CYFIP1: variants seen among roughly 807,000 people sequenced by gnomAD.
CYFIP1 encodes cytoplasmic FMR1 interacting protein 1.
In CYFIP1, 58 loss-of-function variants were observed where a neutral mutation model predicts 163.5. That is an observed-to-expected ratio of 0.35 (90% CI 0.29 to 0.44). The LOEUF is 0.44. CYFIP1 is among the 20% of genes least tolerant of loss of function. The pLI is 1.00. For synonymous variants in CYFIP1, 663 were observed against 660.7 expected, an observed-to-expected ratio of 1.00 and a Z score of -0.05; for missense variants, 1,338 against 1,653.8, an observed-to-expected ratio of 0.81 and a Z score of 3.31.
In CYFIP1 at chr15:22,925,964, G is replaced by A. The variant is rs773826545; in HGVS notation, c.1359+18C>T. ...GCTAGAGCGACATGAGGAAGAGCGAGCGGCCGAGCATCCTCACCTCCACTA... is the reference window on the plus strand; with the variant it reads ...GCTAGAGCGACATGAGGAAGAGCGAACGGCCGAGCATCCTCACCTCCACTA... On this transcript the variant is annotated intron_variant, in intron 13 of 30. Transcript: ENST00000617928. 3.1e-6 allele frequency: 5 copies of A among 1,610,642 alleles called. No homozygotes were observed. The South Asian group carries it at 4.4e-5, about 14-fold the overall frequency.
At chr15:22,937,960 G>A (rs922366635) in intron 8 of CYFIP1, among the ~76,000 whole-genome samples, 72 of 152,182 alleles carry the variant, frequency 4.7e-4, no homozygotes, top group African/African-American at 1.7e-3. Flanking sequence ...TGCTCCGCAG[G>A]GGCTCATGGC....
chr15:22,957,487 T>C (rs1470283598), intron 1 of CYFIP1, among the ~76,000 whole-genome samples: 1 of 152,098 alleles, frequency 6.6e-6, no homozygotes, highest in Non-Finnish European at 1.5e-5. Flanking sequence ...ATACAAAAAA[T>C]TAGCCAGGCA....
chr15:22,909,546 C>G (rs1188635273), intron 20 of CYFIP1, among the ~76,000 whole-genome samples: 1 of 152,124 alleles, frequency 6.6e-6, no homozygotes, highest in Non-Finnish European at 1.5e-5. Flanking sequence ...GGAACATATC[C>G]ATACTTCAGT....
Position 22,867,846 on chromosome 15 carries a change from A to ATGTTT in CYFIP1, c.*2177_*2181dup, listed in dbSNP as rs398043094. 6.6e-6 allele frequency: 1 copy of ATGTTT among 151,760 alleles called. No homozygotes were observed. Among genetic ancestry groups the ATGTTT allele is most frequent in the East Asian group, 1.9e-4 (1 of 5,176 alleles). The allele number at this position is 151,760 out of a possible 1,614,324, so 9.4% of individuals were successfully genotyped here. On this transcript the variant is annotated 3_prime_UTR_variant, in exon 31 of 31. Coordinates refer to ENST00000617928, the MANE Select transcript of CYFIP1 (RefSeq NM_014608.6). ...CACTACATATTTTGGTTTCTAGAAA[A>ATGTTT]TGTTTGTTTATGAAGAAGTCGATGG... is the stretch of plus-strand genomic sequence containing the variant.
chr15:22,977,780 G>A (rs994832584), intron 1 of CYFIP1, among the ~76,000 whole-genome samples: 3 of 150,988 alleles, frequency 2.0e-5, no homozygotes, highest in East Asian at 1.9e-4. Context: ...GCAGTGAGCC[G>A]AGATCACACC....
chr15:22,871,822 A>G (rs2059440907), intron 30 of CYFIP1, among the ~76,000 whole-genome samples: 1 of 152,232 alleles, frequency 6.6e-6, no homozygotes, highest in African/African-American at 2.4e-5. Context: ...CCAACTGTGC[A>G]TAAGCTTGAA....
intron 9 of CYFIP1, 90 bp from the exon 10 acceptor site, chr15:22,933,983 A>G (rs1467754520): frequency 2.3e-6 from 2 of 874,672 alleles, no homozygotes; most frequent in Non-Finnish European, 3.6e-6. Context: ...GCTAATAATT[A>G]CTTCGGCTTG....
At chr15:22,941,817 AAAC>A (rs987698353) in intron 6 of CYFIP1, among the ~76,000 whole-genome samples, 12 of 152,188 alleles carry the variant, frequency 7.9e-5, no homozygotes, top group East Asian at 1.9e-4. Flanking sequence ...AGGAAAAAAA[AAAC>A]AACAACACAC....
intron 21 of CYFIP1, among the ~76,000 whole-genome samples, chr15:22,906,815 TAC>T (rs1183039201): frequency 2.6e-5 from 4 of 152,348 alleles, no homozygotes; most frequent in African/African-American, 9.6e-5. Context: ...AAGATGAAGT[TAC>T]AGTTTCCATG....
chr15:22,894,397 C>A (rs1053466313), intron 22 of CYFIP1, among the ~76,000 whole-genome samples: 1 of 142,160 alleles, frequency 7.0e-6, no homozygotes, highest in African/African-American at 2.6e-5. Flanking sequence ...TCAAACGATT[C>A]TCCTGCCTCA....
intron 9 of CYFIP1, among the ~76,000 whole-genome samples, chr15:22,936,696 C>T (rs554681292): frequency 1.3e-5 from 2 of 152,256 alleles, no homozygotes; most frequent in Non-Finnish European, 2.9e-5. Context: ...ACTGTTTGGA[C>T]GCGCCAAAAC....
chr15:22,959,524 G>A (rs188461618), intron 1 of CYFIP1, among the ~76,000 whole-genome samples: 8 of 152,316 alleles, frequency 5.3e-5, no homozygotes, highest in East Asian at 1.9e-4. Flanking sequence ...CCGCATGGCC[G>A]GGCAGTCCCG....
At chr15:22,980,431 T>C, upstream of CYFIP1, 1 of 152,006 alleles carries the variant, frequency 6.6e-6, no homozygotes, top group Non-Finnish European at 1.5e-5. Context: ...CGGCTCGGCC[T>C]CTTCCTCCCG....
intron 16 of CYFIP1, among the ~76,000 whole-genome samples, chr15:22,916,157 AG>A (rs1475299150): frequency 6.6e-6 from 1 of 152,198 alleles, no homozygotes; most frequent in Non-Finnish European, 1.5e-5. Context: ...GGCCATTTCT[AG>A]TATTTATCAA....
intron 25 of CYFIP1, among the ~76,000 whole-genome samples, chr15:22,880,704 G>C (rs1430822237): frequency 6.6e-6 from 1 of 152,194 alleles, no homozygotes; most frequent in East Asian, 1.9e-4. Flanking sequence ...AGAGCAAAGC[G>C]GGAGGCTCAG....
chr15:22,946,732 G>A (rs2062073743), intron 3 of CYFIP1: 2 of 624,396 alleles, frequency 3.2e-6, no homozygotes, highest in Admixed American at 4.3e-5. Context: ...GTGCAGATCT[G>A]GAGAGGGAAT....
At chr15:22,964,353 T>TCTCA (rs1491543312) in intron 1 of CYFIP1, among the ~76,000 whole-genome samples, 29 of 78,750 alleles carry the variant, frequency 3.7e-4, no homozygotes, top group African/African-American at 1.2e-3. Context: ...ACCTCATCAC[T>TCTCA]CACACACACA....
At chr15:22,893,172 CA>C (rs1376530898) in intron 22 of CYFIP1, among the ~76,000 whole-genome samples, 195 bp from the exon 23 acceptor site, 3 of 152,174 alleles carry the variant, frequency 2.0e-5, no homozygotes, top group Non-Finnish European at 1.5e-5. Flanking sequence ...TAAATGCACC[CA>C]AAGCTCAGGG....
chr15:22,885,192 C>T (rs577002314), intron 23 of CYFIP1, among the ~76,000 whole-genome samples: 7 of 152,170 alleles, frequency 4.6e-5, no homozygotes, highest in Non-Finnish European at 1.0e-4. Flanking sequence ...TCCATCACAT[C>T]CTCAGGCTGC....
Sources: allele counts gnomAD v4.1 joint callset (sites outside exome capture counted in the v4.1 genomes callset), GRCh38; gene constraint gnomAD v4.1.1; transcripts MANE v1.5; gene names NCBI Gene and HGNC (gene_info 2026-07-23, HGNC 2026-07-21).